Variants in LMBRD2 observed in about 807,000 individuals in gnomAD.
The protein encoded by LMBRD2 is G protein-coupled receptor-associated protein LMBRD2.
LMBRD2 carries 55 observed loss-of-function variants against 94.4 expected under a neutral mutation model. The ratio of observed to expected loss-of-function variants is 0.58; its 90% confidence interval spans 0.47 to 0.73. The LOEUF (loss-of-function observed/expected upper bound fraction) is 0.73, where lower values mean the gene tolerates loss of function less well. Among genes scored for constraint, LMBRD2 ranks in the 30% least tolerant of loss-of-function variants. The probability of loss-of-function intolerance (pLI) is 0.00; values close to 1 mark genes in which losing one functional copy is unlikely to be tolerated. For synonymous variants in LMBRD2, 246 were observed against 272.4 expected (o/e 0.90, Z 0.95); for missense variants, 640 against 831.9 (o/e 0.77, Z 2.84).
At chr5:36,123,141 T>G (rs1438024735) in intron 7 of LMBRD2, among the ~76,000 whole-genome samples, 180 bp from the exon 8 acceptor site, 1 of 152,162 alleles carries the variant, frequency 6.6e-6, no homozygotes, top group Non-Finnish European at 1.5e-5. Flanking sequence ...TCTTAAAAGA[T>G]GTACTGAGTT....
intron 6 of LMBRD2, among the ~76,000 whole-genome samples, chr5:36,133,002 T>TAAAA (rs34516747): frequency 7.5e-6 from 1 of 132,672 alleles, no homozygotes; most frequent in African/African-American, 2.7e-5. Flanking sequence ...TCAAAAAAAT[T>TAAAA]AAAAAAAAAA....
At chr5:36,141,270 G>A in intron 3 of LMBRD2, 68 bp from the exon 4 acceptor site, 1 of 873,930 alleles carries the variant, frequency 1.1e-6, no homozygotes, top group Non-Finnish European at 1.9e-6. Flanking sequence ...CAATTAATTT[G>A]CATGTGGCCA....
chr5:36,112,166 T>A (rs1371440168), intron 13 of LMBRD2, among the ~76,000 whole-genome samples: 1 of 152,146 alleles, frequency 6.6e-6, no homozygotes, highest in Non-Finnish European at 1.5e-5. Flanking sequence ...CCATAATATA[T>A]CTACTTGTTT....
intron 6 of LMBRD2, 135 bp from the exon 7 acceptor site, chr5:36,124,400 A>C (rs1244923349): frequency 3.7e-6 from 2 of 536,560 alleles, no homozygotes; most frequent in Non-Finnish European, 6.7e-6. Flanking sequence ...ACATGAATAA[A>C]GGTTCTTAAG....
chr5:36,127,808 AC>A (rs551200244), intron 6 of LMBRD2, among the ~76,000 whole-genome samples: 78 of 152,284 alleles, frequency 5.1e-4, no homozygotes, highest in African/African-American at 1.9e-3. Context: ...CTCTGGACAC[AC>A]CCCAACTCAG....
intron 6 of LMBRD2, among the ~76,000 whole-genome samples, chr5:36,129,762 C>T (rs1180979761): frequency 1.3e-5 from 2 of 152,078 alleles, no homozygotes; most frequent in East Asian, 3.8e-4. Flanking sequence ...TATCTTGAGA[C>T]AAACCAATGA....
rs911523420 is a variant in LMBRD2 at position 36,117,254 on chromosome 5, G to A, written c.1302+481C>T. Among the ~76,000 whole-genome samples the A allele has an allele frequency of 2.6e-5, 4 of 152,098 alleles. No individual in the cohort carries two copies. The South Asian group carries it at 6.2e-4, about 24-fold the overall frequency. Reference sequence around the variant, plus strand: ...GTGATGGATCCTCCTGAAGCAGGACGATCACTTGAGTGCAAGAGTTCCAGA... The same window carrying A: ...GTGATGGATCCTCCTGAAGCAGGACAATCACTTGAGTGCAAGAGTTCCAGA... On this transcript the variant is annotated intron_variant, in intron 10 of 17. Transcript: ENST00000296603.
intron 6 of LMBRD2, among the ~76,000 whole-genome samples, chr5:36,133,919 G>C (rs975691866): frequency 2.6e-5 from 4 of 151,942 alleles, no homozygotes; most frequent in Admixed American, 2.6e-4. Flanking sequence ...TTTTTTGCAG[G>C]AATGTTGAAT....
rs1743318614 is a variant in LMBRD2 at position 36,100,192 on chromosome 5, T to A, written c.*3854A>T. On this transcript the variant is annotated 3_prime_UTR_variant, in exon 18 of 18. Coordinates refer to ENST00000296603, the MANE Select transcript of LMBRD2 (RefSeq NM_001007527.2). ...TTATTAATTCCTTTTCATAAAAAGA[T>A]GTCTCAAGAATCTAAATAAATCTTA... 6.6e-6 allele frequency: 1 copy of A among 152,142 alleles called. No individual in the cohort carries two copies. Among genetic ancestry groups the A allele is most frequent in the South Asian group, 2.1e-4 (1 of 4,836 alleles). The allele number at this position is 152,142 out of a possible 1,614,324, so 9.4% of individuals were successfully genotyped here.
intron 4 of LMBRD2, among the ~76,000 whole-genome samples, chr5:36,140,798 G>C (rs1744390844): frequency 6.6e-6 from 1 of 152,126 alleles, no homozygotes; most frequent in South Asian, 2.1e-4. Context: ...AAGAAGGAAA[G>C]TCTGGCAATG....
At chr5:36,106,052 T>A (rs983794922) in intron 16 of LMBRD2, among the ~76,000 whole-genome samples, 7 of 152,038 alleles carry the variant, frequency 4.6e-5, no homozygotes, top group African/African-American at 1.7e-4. Flanking sequence ...TCTCACTCAT[T>A]CAGCAAATCG....
In LMBRD2 at chr5:36,098,954, T is replaced by C. The variant is rs1276687964; in HGVS notation, c.*5092A>G. On this transcript the variant is annotated 3_prime_UTR_variant, in exon 18 of 18. Transcript: ENST00000296603. ...ATGACCACAGTAACATTTTGAAAAA[T>C]TATGATCATATGCACATTTGAAAAG... 1.3e-5 allele frequency: 2 copies of C among 152,070 alleles called. No homozygotes were observed. Among genetic ancestry groups the C allele is most frequent in the Admixed American group, 1.3e-4 (2 of 15,256 alleles). 9.4% of individuals were successfully genotyped at this position (152,070 alleles called of 1,614,324 possible).
chr5:36,150,112 CA>C (rs529677353), intron 1 of LMBRD2, among the ~76,000 whole-genome samples: 3 of 150,394 alleles, frequency 2.0e-5, no homozygotes, highest in Admixed American at 6.6e-5. Flanking sequence ...AGAAGGAAGG[CA>C]AAAAAAAATT....
intron 6 of LMBRD2, among the ~76,000 whole-genome samples, chr5:36,132,168 T>C (rs1257739107): frequency 2.0e-5 from 3 of 152,034 alleles, no homozygotes; most frequent in Non-Finnish European, 2.9e-5. Context: ...TACAGTGAAC[T>C]CATTTTTGAC....
At chr5:36,148,946 A>G (rs1039120501) in intron 1 of LMBRD2, among the ~76,000 whole-genome samples, 29 of 152,244 alleles carry the variant, frequency 1.9e-4, no homozygotes, top group African/African-American at 7.0e-4. Context: ...AATTTAACGC[A>G]AACTTTTTAC....
At position 36,148,669 on chromosome 5, in the gene LMBRD2, G is replaced by GA. The variant is rs1463004074; in HGVS notation, c.-58+2886dup. Among the ~76,000 whole-genome samples the GA allele has an allele frequency of 3.3e-5, 5 of 151,896 alleles. No homozygotes were observed. The South Asian group carries it at 6.2e-4, about 19-fold the overall frequency. On this transcript the variant is annotated intron_variant, in intron 1 of 17. Transcript: ENST00000296603. ...GGGCTGTTCGTTTCCTTGCTTAACA[G>GA]AAAAAAAACAGTGCAGAGAGGTTAA...
Position 36,122,265 on chromosome 5 carries a change from T to C in LMBRD2, c.1120+15A>G. The C allele has an allele frequency of 1.3e-6, 2 of 1,539,946 alleles. No homozygotes were observed. Among genetic ancestry groups the C allele is most frequent in the Non-Finnish European group, 1.7e-6 (2 of 1,143,250 alleles). Reference sequence around the variant, plus strand: ...TTTCATCATTAAAGTTTGAAATTTATATCAAATTACATACCAAATGTAGGA... The same window carrying C: ...TTTCATCATTAAAGTTTGAAATTTACATCAAATTACATACCAAATGTAGGA... On this transcript the variant is annotated intron_variant, in intron 9 of 17. Coordinates refer to ENST00000296603, the MANE Select transcript of LMBRD2 (RefSeq NM_001007527.2).
intron 9 of LMBRD2, among the ~76,000 whole-genome samples, chr5:36,120,449 C>T (rs1177456646): frequency 3.9e-5 from 6 of 152,092 alleles, no homozygotes; most frequent in Admixed American, 6.6e-5. Context: ...TTAGTAGAGA[C>T]GGGGTTTCAC....
intron 2 of LMBRD2, 41 bp from the exon 3 acceptor site, chr5:36,142,640 G>A (rs1233238554): frequency 8.7e-7 from 1 of 1,142,994 alleles, no homozygotes; most frequent in Non-Finnish European, 1.3e-6. Flanking sequence ...AGAATCAAAA[G>A]GTTACCAAGT....
Sources: gnomAD v4.1 joint callset for allele counts (sites outside exome capture counted in the v4.1 genomes callset) on GRCh38, gnomAD v4.1.1 for gene constraint, MANE v1.5 for transcripts, NCBI Gene and HGNC (gene_info 2026-07-23, HGNC 2026-07-21) for gene names.